The following VEPH1 variants were observed in gnomAD, a reference collection of about 807,000 sequenced individuals.
VEPH1 encodes ventricular zone expressed PH domain containing 1.
In VEPH1, 80 loss-of-function variants were observed where a neutral mutation model predicts 85.2. The observed-to-expected ratio is 0.94, with a 90% CI of 0.78 to 1.13. The LOEUF is 1.13. VEPH1 is among the 50% of genes most tolerant of loss of function. The pLI, the probability that VEPH1 is intolerant of heterozygous loss-of-function variation, is 0.00. For synonymous variants in VEPH1, 297 were observed against 348.0 expected (o/e 0.85, Z 1.63); for missense variants, 955 against 980.5 (o/e 0.97, Z 0.35).
chr3:157,378,231 C>T (rs1443068125), intron 7 of VEPH1, among the ~76,000 whole-genome samples: 2 of 150,544 alleles, frequency 1.3e-5, no homozygotes, highest in Non-Finnish European at 3.0e-5. Context: ...CTGGCCTTGA[C>T]TCTCCTGGAT....
chr3:157,321,959 A>G (rs1721401151), intron 9 of VEPH1, among the ~76,000 whole-genome samples: 1 of 152,200 alleles, frequency 6.6e-6, no homozygotes, highest in Non-Finnish European at 1.5e-5. Flanking sequence ...CACTTTATGG[A>G]TAATATGGTT....
chr3:157,318,874 C>T (rs754128017), intron 9 of VEPH1, among the ~76,000 whole-genome samples: 1 of 151,892 alleles, frequency 6.6e-6, no homozygotes, highest in Non-Finnish European at 1.5e-5. Context: ...AGTGAGACCA[C>T]GTCTCTAAAA....
intron 1 of VEPH1, among the ~76,000 whole-genome samples, chr3:157,496,650 T>C (rs1221021658): frequency 6.6e-6 from 1 of 152,210 alleles, no homozygotes; most frequent in Non-Finnish European, 1.5e-5. Flanking sequence ...GGAGAATCTA[T>C]TGTTTCCTTG....
chr3:157,471,001 A>T (rs2109468830), intron 2 of VEPH1, among the ~76,000 whole-genome samples: 1 of 152,188 alleles, frequency 6.6e-6, no homozygotes, highest in Admixed American at 6.5e-5. Flanking sequence ...ATAACTACAA[A>T]ACCCATTTTA....
At chr3:157,337,996 G>A (rs555015595) in intron 9 of VEPH1, among the ~76,000 whole-genome samples, 109 of 152,136 alleles carry the variant, frequency 7.2e-4, no homozygotes, top group Admixed American at 1.6e-3. Context: ...ATGTTCTGGG[G>A]AGGTCTTTAC....
chr3:157,469,852 A>G (rs1022267400), intron 3 of VEPH1, among the ~76,000 whole-genome samples: 2 of 152,218 alleles, frequency 1.3e-5, no homozygotes, highest in Non-Finnish European at 2.9e-5. Context: ...ACGGGCAAAT[A>G]TCATCATGAA....
At chr3:157,477,174 T>G (rs1167324565) in intron 2 of VEPH1, among the ~76,000 whole-genome samples, 2 of 150,904 alleles carry the variant, frequency 1.3e-5, no homozygotes, top group African/African-American at 4.9e-5. Context: ...TGGTGCCCTC[T>G]GGAGGCTCTG....
At chr3:157,411,045 A>T (rs1175950700) in intron 6 of VEPH1, among the ~76,000 whole-genome samples, 2 of 152,170 alleles carry the variant, frequency 1.3e-5, no homozygotes, top group African/African-American at 2.4e-5. Flanking sequence ...GATTGTAAAC[A>T]AAAGGTTGTG....
intron 11 of VEPH1, among the ~76,000 whole-genome samples, chr3:157,308,661 C>A (rs1719779551): frequency 6.6e-6 from 1 of 151,948 alleles, no homozygotes; most frequent in Non-Finnish European, 1.5e-5. Context: ...AAAAATAATT[C>A]TCTTAGAATT....
At chr3:157,325,577 C>G (rs1355471790) in intron 9 of VEPH1, among the ~76,000 whole-genome samples, 2 of 152,168 alleles carry the variant, frequency 1.3e-5, no homozygotes, top group Non-Finnish European at 2.9e-5. Context: ...GTTCTCCCAG[C>G]ACCATTTATT....
intron 6 of VEPH1, 21 bp downstream of exon 6, chr3:157,413,860 A>G: frequency 6.2e-7 from 1 of 1,610,114 alleles, no homozygotes; most frequent in Non-Finnish European, 8.5e-7. Flanking sequence ...AGGGGAATGG[A>G]GAGAAAAAAG....
chr3:157,387,084 T>A (rs1729384240), intron 6 of VEPH1, among the ~76,000 whole-genome samples: 1 of 152,196 alleles, frequency 6.6e-6, no homozygotes, highest in South Asian at 2.1e-4. Flanking sequence ...CTAAAAGCAA[T>A]AAGTAAATTA....
At chr3:157,381,476 G>T in intron 6 of VEPH1, 100 bp from the exon 7 acceptor site, 1 of 1,224,822 alleles carries the variant, frequency 8.2e-7, no homozygotes, top group South Asian at 1.4e-5. Flanking sequence ...AGGCTGAGGT[G>T]GGTGGATGGC....
At position 157,362,831 on chromosome 3, in the gene VEPH1, C is replaced by G. The variant is rs1726199869; in HGVS notation, c.1735+533G>C. On this transcript the variant is annotated intron_variant, in intron 9 of 13. Coordinates refer to ENST00000362010, the MANE Select transcript of VEPH1 (RefSeq NM_001167912.2). ...TATAATGGGTTTTTGGGGACATAGT[C>G]TCATCCTAAGTTGAGCATCATCATC... is the stretch of plus-strand genomic sequence containing the variant. Among the ~76,000 whole-genome samples, 3 of 152,118 alleles carry G rather than the reference C, an allele frequency of 2.0e-5. No homozygotes were observed. The South Asian group carries it at 6.2e-4, about 32-fold the overall frequency.
intron 4 of VEPH1, among the ~76,000 whole-genome samples, chr3:157,451,969 C>T (rs974024534): frequency 1.2e-4 from 19 of 152,100 alleles, no homozygotes; most frequent in Non-Finnish European, 1.2e-4. Context: ...AAAAAGCCTG[C>T]TAAACACAGA....
At position 157,442,301 on chromosome 3, in the gene VEPH1, G is replaced by A. The variant is rs1734185634; in HGVS notation, c.530-13813C>T. On this transcript the variant is annotated intron_variant, in intron 4 of 13. Coordinates refer to ENST00000362010, the MANE Select transcript of VEPH1 (RefSeq NM_001167912.2). ...AAAATTCTTATGTTAAATAACTAAT[G>A]CCAGAATAATTCTGAATTAATTTAT... is the stretch of plus-strand genomic sequence containing the variant. 11 of 1,343,232 alleles carry A rather than the reference G, an allele frequency of 8.2e-6. No individual in the cohort carries two copies. The Admixed American group carries it at 1.1e-4, about 14-fold the overall frequency. 83.2% of individuals were successfully genotyped at this position (1,343,232 alleles called of 1,614,324 possible).
chr3:157,391,109 C>T (rs1459664813), intron 6 of VEPH1, among the ~76,000 whole-genome samples: 2 of 152,204 alleles, frequency 1.3e-5, no homozygotes, highest in African/African-American at 2.4e-5. Flanking sequence ...CACCCCTTGC[C>T]GTTCCACGCC....
chr3:157,361,769 C>G (rs1042416350), intron 9 of VEPH1, among the ~76,000 whole-genome samples: 17 of 152,218 alleles, frequency 1.1e-4, no homozygotes, highest in African/African-American at 4.1e-4. Flanking sequence ...GTCTCAAACA[C>G]ATTTCCTTTC....
chr3:157,339,543 T>C (rs1577377193), intron 9 of VEPH1, among the ~76,000 whole-genome samples: 1 of 152,160 alleles, frequency 6.6e-6, no homozygotes, highest in African/African-American at 2.4e-5. Flanking sequence ...ACTGCTCTTA[T>C]GATATTGACC....
Sources: gnomAD v4.1 joint callset for allele counts (sites outside exome capture counted in the v4.1 genomes callset) on GRCh38, gnomAD v4.1.1 for gene constraint, MANE v1.5 for transcripts, NCBI Gene and HGNC (gene_info 2026-07-23, HGNC 2026-07-21) for gene names.